Variants in CERS4 observed in about 807,000 individuals in gnomAD.
CERS4 encodes the protein ceramide synthase 4, also known as LAG1 homolog, ceramide synthase 4.
CERS4 carries 65 observed loss-of-function variants against 51.8 expected under a neutral mutation model. The observed-to-expected ratio is 1.26, with a 90% confidence interval of 1.03 to 1.54. CERS4 has a LOEUF of 1.54. Ranked by LOEUF, CERS4 falls within the 40% of genes most tolerant of loss-of-function variation. The probability of loss-of-function intolerance (pLI) is 0.00; values close to 1 mark genes in which losing one functional copy is unlikely to be tolerated. For synonymous variants in CERS4, 228 were observed against 208.4 expected, an observed-to-expected ratio of 1.09 and a Z score of -0.81; for missense variants, 563 against 500.4, an observed-to-expected ratio of 1.13 and a Z score of -1.19.
At chr19:8,218,929 G>A (rs1050775865) in intron 2 of CERS4, among the ~76,000 whole-genome samples, 59 of 152,150 alleles carry the variant, frequency 3.9e-4, no homozygotes, top group South Asian at 3.7e-3. Context: ...ACTTGAGGCC[G>A]GGAGCCGTGG....
At chr19:8,259,180 G>C (rs923818707) in intron 10 of CERS4, among the ~76,000 whole-genome samples, 1 of 152,160 alleles carries the variant, frequency 6.6e-6, no homozygotes, top group Non-Finnish European at 1.5e-5. Context: ...GGGAGAGGTG[G>C]GTAGTTGGAA....
rs1969487840 is a variant in CERS4 at position 8,257,996 on chromosome 19, C to T, written c.848+11C>T. On this transcript the variant is annotated intron_variant, in intron 10 of 11. Coordinates refer to ENST00000251363, the MANE Select transcript of CERS4 (RefSeq NM_024552.3). ...CCTCTTTCCCACCCAGTGAGTCAGC[C>T]CTCCCATGGGGGTCAGGGAGGTGGG... 2 of 1,602,628 alleles carry T rather than the reference C, an allele frequency of 1.2e-6. No individual in the cohort carries two copies. The highest frequency in any genetic ancestry group is 1.3e-5 in the African/African-American group (1 of 74,664).
At chr19:8,231,850 C>CTTTTTTTT (rs1568509577) in intron 2 of CERS4, among the ~76,000 whole-genome samples, 1 of 71,256 alleles carries the variant, frequency 1.4e-5, no homozygotes, top group Non-Finnish European at 2.7e-5. Flanking sequence ...CTGTGCCCAG[C>CTTTTTTTT]ATTTTTTTTT....
intron 2 of CERS4, among the ~76,000 whole-genome samples, chr19:8,228,707 C>T (rs1967886388): frequency 1.0e-5 from 1 of 98,038 alleles, no homozygotes; most frequent in Non-Finnish European, 2.1e-5. Flanking sequence ...AGAAGTCACC[C>T]TTAAACCCAC....
intron 2 of CERS4, among the ~76,000 whole-genome samples, chr19:8,221,849 TACTG>T (rs1325259794): frequency 8.9e-5 from 13 of 146,296 alleles, no homozygotes; most frequent in Admixed American, 4.9e-4. Flanking sequence ...TATATTTACT[TACTG>T]ACTTATTTAT....
At chr19:8,215,758 C>T (rs1462371289) in intron 2 of CERS4, among the ~76,000 whole-genome samples, 3 of 152,186 alleles carry the variant, frequency 2.0e-5, no homozygotes, top group African/African-American at 4.8e-5. Flanking sequence ...TGGGAGGGGG[C>T]ATCCCTTGTC....
In CERS4 at chr19:8,261,815, A is replaced by G. The variant is rs2145350210; in HGVS notation, c.976A>G (p.Met326Val). The change falls in exon 11 of 12, where the codon ATG becomes GTG. Residue 326 changes from methionine to valine, a missense_variant. Physicochemically the swap from Met to Val is conservative, Grantham distance 21. Coordinates refer to ENST00000251363, the MANE Select transcript of CERS4 (RefSeq NM_024552.3). Reference protein sequence around the residue: ...HVFWSCLILRMLYSFMKKGQM... With the variant: ...HVFWSCLILRVLYSFMKKGQM... Reference sequence around the variant, plus strand: ...GTTCTGGTCTTGCCTCATTCTGCGCATGCTCTATAGCTTCATGAAGAAGGG... The same window carrying G: ...GTTCTGGTCTTGCCTCATTCTGCGCGTGCTCTATAGCTTCATGAAGAAGGG... The G allele has an allele frequency of 6.2e-7, 1 of 1,614,058 alleles. No homozygotes were observed. The highest frequency in any genetic ancestry group is 8.5e-7 in the Non-Finnish European group (1 of 1,179,980).
At chr19:8,249,156 G>A (rs527692744) in intron 2 of CERS4, among the ~76,000 whole-genome samples, 1 of 146,252 alleles carries the variant, frequency 6.8e-6, no homozygotes, top group Admixed American at 6.8e-5. Context: ...GTTTGGATGG[G>A]TGGATGGATG....
chr19:8,220,368 G>A (rs975425474), intron 2 of CERS4, among the ~76,000 whole-genome samples: 6 of 152,010 alleles, frequency 3.9e-5, no homozygotes, highest in South Asian at 4.2e-4. Context: ...GCAGTGGTGC[G>A]ATCTCGGCTC....
intron 2 of CERS4, among the ~76,000 whole-genome samples, chr19:8,213,575 T>C (rs1233652681): frequency 1.3e-5 from 2 of 152,082 alleles, no homozygotes. Context: ...CCCAAAGCAC[T>C]AGGATTATAG....
At chr19:8,259,218 C>T (rs1329328380) in intron 10 of CERS4, among the ~76,000 whole-genome samples, 1 of 152,156 alleles carries the variant, frequency 6.6e-6, no homozygotes, top group Non-Finnish European at 1.5e-5. Context: ...GCCTCGCTGG[C>T]AGCGTTTGTA....
chr19:8,229,333 T>C (rs1246465177), intron 2 of CERS4, among the ~76,000 whole-genome samples: 1 of 152,118 alleles, frequency 6.6e-6, no homozygotes, highest in Non-Finnish European at 1.5e-5. Flanking sequence ...ACCAGCTCCC[T>C]AGTATAACAA....
intron 2 of CERS4, among the ~76,000 whole-genome samples, chr19:8,219,217 A>C (rs1967430378): frequency 6.6e-6 from 1 of 152,042 alleles, no homozygotes; most frequent in Non-Finnish European, 1.5e-5. Context: ...CCGCAAAAAA[A>C]GGTGGTGACT....
intron 3 of CERS4, 112 bp from the exon 4 acceptor site, chr19:8,254,387 T>TA (rs2145310003): frequency 1.2e-6 from 1 of 828,400 alleles, no homozygotes; most frequent in South Asian, 1.5e-5. Flanking sequence ...TCTGAGCCTG[T>TA]AACTTTGCCC....
rs371501211 is a variant in CERS4, at chr19:8,253,471, T to TG, written c.174-1024dup. Among the ~76,000 whole-genome samples, 13 of 137,072 alleles carry TG rather than the reference T, an allele frequency of 9.5e-5. 2 individuals are homozygous for TG. The highest frequency in any genetic ancestry group is 2.4e-4 in the African/African-American group (9 of 38,154). The allele number at this position is 137,072 out of a possible 152,430, so 89.9% of individuals were successfully genotyped here. Reference sequence around the variant, plus strand: ...TGCCTTTTTTTTTTTTTTTTTTTTTTGGGGAGACAGAGTCTTGTTGCTCTG... The same window carrying TG: ...TGCCTTTTTTTTTTTTTTTTTTTTTTGGGGGAGACAGAGTCTTGTTGCTCTG... On this transcript the variant is annotated intron_variant, in intron 3 of 11. Coordinates refer to ENST00000251363, the MANE Select transcript of CERS4 (RefSeq NM_024552.3).
At chr19:8,255,967 C>G (rs1969358066) in intron 6 of CERS4, 88 bp downstream of exon 6, 2 of 1,404,810 alleles carry the variant, frequency 1.4e-6, no homozygotes, top group Non-Finnish European at 2.0e-6. Flanking sequence ...AGTGGTGCAG[C>G]CAGAGAGGAA....
At chr19:8,218,375 C>T (rs1453595520) in intron 2 of CERS4, among the ~76,000 whole-genome samples, 1 of 152,216 alleles carries the variant, frequency 6.6e-6, no homozygotes, top group Non-Finnish European at 1.5e-5. Context: ...TAACGGAATG[C>T]TGAACAGTGA....
intron 2 of CERS4, among the ~76,000 whole-genome samples, chr19:8,229,355 G>A (rs981465759): frequency 1.3e-5 from 2 of 152,012 alleles, no homozygotes; most frequent in Non-Finnish European, 2.9e-5. Context: ...TCACATGCAT[G>A]TGGACTATAC....
intron 3 of CERS4, among the ~76,000 whole-genome samples, chr19:8,252,207 A>G (rs1397004302): frequency 6.6e-6 from 1 of 151,948 alleles, no homozygotes; most frequent in Non-Finnish European, 1.5e-5. Context: ...TGTCTCTACT[A>G]AAAGTACAAA....
Sources: gnomAD v4.1 joint callset for allele counts (sites outside exome capture counted in the v4.1 genomes callset) on GRCh38, gnomAD v4.1.1 for gene constraint, MANE v1.5 for transcripts, NCBI Gene and HGNC (gene_info 2026-07-23, HGNC 2026-07-21) for gene names.